Variants in MAGI1 observed in about 807,000 individuals in gnomAD.
MAGI1 encodes membrane associated guanylate kinase, WW and PDZ domain containing 1, also known as membrane-associated guanylate kinase, WW and PDZ domain-containing protein 1.
MAGI1 carries 58 observed loss-of-function variants against 139.9 expected under a neutral mutation model. That is an observed-to-expected ratio of 0.41 (90% confidence interval 0.34 to 0.52). MAGI1 has a LOEUF of 0.52. Among genes scored for constraint, MAGI1 ranks in the 20% least tolerant of loss-of-function variants. The probability of loss-of-function intolerance (pLI) is 0.12; values close to 1 mark genes in which losing one functional copy is unlikely to be tolerated. For synonymous variants in MAGI1, 812 were observed against 737.9 expected, an observed-to-expected ratio of 1.10 and a Z score of -1.63; for missense variants, 1,874 against 1,901.6, an observed-to-expected ratio of 0.99 and a Z score of 0.27.
At position 65,425,848 on chromosome 3, in the gene MAGI1, C is replaced by T. The variant is rs145494396; in HGVS notation, c.2167+3672G>A. Among the ~76,000 whole-genome samples the T allele has an allele frequency of 1.4e-3, 206 of 152,056 alleles. 1 individual carries two copies. In the East Asian group the frequency reaches 0.014, roughly 11 times the overall value. Reference sequence around the variant, plus strand: ...AGGTAGTTACGCTATCTACATGAGCCTTTTTTAAAAAAAGTAAAAAATCCT... The same window carrying T: ...AGGTAGTTACGCTATCTACATGAGCTTTTTTTAAAAAAAGTAAAAAATCCT... On this transcript the variant is annotated intron_variant, in intron 12 of 22. Coordinates refer to ENST00000402939, the MANE Select transcript of MAGI1 (RefSeq NM_001033057.2).
intron 2 of MAGI1, among the ~76,000 whole-genome samples, chr3:65,582,895 A>G (rs1172759969): frequency 1.3e-5 from 2 of 152,234 alleles, no homozygotes; most frequent in African/African-American, 4.8e-5. Flanking sequence ...TACAGGTATC[A>G]TTGTCACACC....
intron 1 of MAGI1, chr3:65,925,265 A>G (rs1186465739): frequency 1.3e-5 from 2 of 152,366 alleles, no homozygotes; most frequent in Non-Finnish European, 2.9e-5. Context: ...TCCTTTGGAA[A>G]TAAATTCCAA....
At chr3:65,935,321 T>C (rs988569994) in intron 1 of MAGI1, among the ~76,000 whole-genome samples, 20 of 152,100 alleles carry the variant, frequency 1.3e-4, no homozygotes, top group African/African-American at 3.4e-4. Flanking sequence ...ATAAGAAGAA[T>C]GGTTTTGTAG....
At chr3:65,626,888 C>T (rs896234267) in intron 1 of MAGI1, among the ~76,000 whole-genome samples, 2 of 152,160 alleles carry the variant, frequency 1.3e-5, no homozygotes, top group African/African-American at 4.8e-5. Flanking sequence ...ATTCAAGAGA[C>T]ATGTCTATAA....
intron 1 of MAGI1, among the ~76,000 whole-genome samples, chr3:65,844,830 C>G (rs947383664): frequency 6.6e-6 from 1 of 152,126 alleles, no homozygotes; most frequent in African/African-American, 2.4e-5. Context: ...TACCAATCAC[C>G]CACTAAAGGA....
intron 1 of MAGI1, among the ~76,000 whole-genome samples, chr3:66,010,937 A>C (rs35746875): frequency 7.4e-4 from 112 of 152,308 alleles, no homozygotes; most frequent in Non-Finnish European, 1.3e-3. Flanking sequence ...AAGGGGCAGG[A>C]CTTGAAAGCT....
intron 8 of MAGI1, among the ~76,000 whole-genome samples, chr3:65,440,821 GTACA>G (rs1559556038): frequency 2.1e-5 from 3 of 139,864 alleles, no homozygotes; most frequent in Non-Finnish European, 4.6e-5. Context: ...ATGTATATGT[GTACA>G]TGTATACATA....
intron 1 of MAGI1, among the ~76,000 whole-genome samples, chr3:65,867,618 C>T (rs533934828): frequency 3.0e-4 from 46 of 152,190 alleles, no homozygotes; most frequent in Admixed American, 2.9e-3. Context: ...GCCTAAAGTC[C>T]CAGTTACTGT....
chr3:65,377,045 C>T (rs1942605268), intron 17 of MAGI1, among the ~76,000 whole-genome samples: 1 of 152,116 alleles, frequency 6.6e-6, no homozygotes, highest in Admixed American at 6.5e-5. Context: ...GGTAGTTATG[C>T]AGTTGAGTTA....
intron 1 of MAGI1, among the ~76,000 whole-genome samples, chr3:65,772,088 G>A (rs2038000437): frequency 6.6e-6 from 1 of 151,986 alleles, no homozygotes; most frequent in Non-Finnish European, 1.5e-5. Flanking sequence ...GTAATCCCAG[G>A]GAGAGGGTGA....
Position 66,038,578 on chromosome 3 carries a change from C to G in MAGI1, c.-270G>C, listed in dbSNP as rs2069065821. On this transcript the variant is annotated 5_prime_UTR_variant, in exon 1 of 23. Transcript: ENST00000402939. ...GCCTCTGGGTCCACGTTCCGGCGCC[C>G]GCCCGTGCTCTCCCGGACCAGAGTC... 2 of 429,742 alleles carry G rather than the reference C, an allele frequency of 4.7e-6. No individual in the cohort carries two copies. The highest frequency in any genetic ancestry group is 8.1e-6 in the Non-Finnish European group (2 of 245,948). The allele number at this position is 429,742 out of a possible 1,614,324, so 26.6% of individuals were successfully genotyped here.
At chr3:65,680,291 G>T (rs567581317) in intron 1 of MAGI1, among the ~76,000 whole-genome samples, 47 of 152,220 alleles carry the variant, frequency 3.1e-4, no homozygotes, top group African/African-American at 1.0e-3. Context: ...CACCATCTCT[G>T]GCAGGTCATT....
intron 5 of MAGI1, among the ~76,000 whole-genome samples, chr3:65,462,650 TGAA>T (rs990442724): frequency 1.3e-5 from 2 of 152,244 alleles, no homozygotes; most frequent in African/African-American, 2.4e-5. Flanking sequence ...TCTAATTCTG[TGAA>T]GAAAGTCAAT....
At chr3:65,439,790 G>C in intron 9 of MAGI1, 89 bp downstream of exon 9, 1 of 1,591,612 alleles carries the variant, frequency 6.3e-7, no homozygotes, top group Admixed American at 1.7e-5. Context: ...CAATCATCGA[G>C]GCCAGTTCTG....
At chr3:65,918,346 ATTCAC>A (rs1350327297) in intron 1 of MAGI1, among the ~76,000 whole-genome samples, 1 of 147,274 alleles carries the variant, frequency 6.8e-6, no homozygotes, top group Admixed American at 6.7e-5. Context: ...GGGAACATAT[ATTCAC>A]CTGTGCATTA....
intron 1 of MAGI1, among the ~76,000 whole-genome samples, chr3:65,684,649 G>A (rs1405650884): frequency 2.0e-5 from 3 of 151,824 alleles, no homozygotes; most frequent in Admixed American, 6.6e-5. Flanking sequence ...ACACACATAC[G>A]CACAAAAAAG....
At chr3:65,963,386 G>C (rs1299282343) in intron 1 of MAGI1, among the ~76,000 whole-genome samples, 1 of 150,864 alleles carries the variant, frequency 6.6e-6, no homozygotes, top group Non-Finnish European at 1.5e-5. Context: ...GGGAGGCCAA[G>C]GTGGGTGGAT....
At chr3:65,627,485 CTTTTTTTTTTTTTTTTTTTTTTTTTTT>C (rs779588733) in intron 1 of MAGI1, among the ~76,000 whole-genome samples, 25 of 28,322 alleles carry the variant, frequency 8.8e-4, no homozygotes, top group Non-Finnish European at 1.5e-3. Flanking sequence ...ATTTCTGTAT[CTTTTTTTTTTTTTTTTTTTTTTTTTTT>C]TTTTTTTTTT....
intron 18 of MAGI1, among the ~76,000 whole-genome samples, chr3:65,374,170 G>C (rs1477191294): frequency 6.6e-6 from 1 of 151,980 alleles, no homozygotes; most frequent in East Asian, 1.9e-4. Flanking sequence ...AACATGTATA[G>C]CAAGACTGAA....
Sources: allele counts gnomAD v4.1 joint callset (sites outside exome capture counted in the v4.1 genomes callset), GRCh38; gene constraint gnomAD v4.1.1; transcripts MANE v1.5; gene names NCBI Gene and HGNC (gene_info 2026-07-23, HGNC 2026-07-21).